LHPP: variants seen among roughly 807,000 people sequenced by gnomAD.
LHPP encodes hLHPP.
LHPP carries 24 observed loss-of-function variants against 30.3 expected under a neutral mutation model. That is an observed-to-expected ratio of 0.79 (90% CI 0.57 to 1.11). The LOEUF (loss-of-function observed/expected upper bound fraction) is 1.11, where lower values mean the gene tolerates loss of function less well. LHPP is among the 50% of genes most tolerant of loss of function. The probability of loss-of-function intolerance (pLI) is 0.00; values close to 1 mark genes in which losing one functional copy is unlikely to be tolerated. For missense variants in LHPP, 356 were observed against 367.2 expected (o/e 0.97, Z 0.25); for synonymous variants, 150 against 157.1 (o/e 0.95, Z 0.34).
intron 1 of LHPP, among the ~76,000 whole-genome samples, chr10:124,472,739 G>A (rs1952822887): frequency 6.6e-6 from 1 of 152,000 alleles, no homozygotes; most frequent in South Asian, 2.1e-4. Flanking sequence ...TGTATTTTTA[G>A]TAGAGACGGA....
chr10:124,503,321 C>T (rs1315060626), intron 5 of LHPP, among the ~76,000 whole-genome samples: 3 of 152,144 alleles, frequency 2.0e-5, no homozygotes, highest in Admixed American at 2.0e-4. Flanking sequence ...CCGCCTCGGC[C>T]TCCCAAAGTG....
intron 1 of LHPP, among the ~76,000 whole-genome samples, chr10:124,476,436 T>G (rs1405111177): frequency 1.3e-5 from 2 of 152,190 alleles, no homozygotes; most frequent in African/African-American, 4.8e-5. Context: ...CCTCGTCTCC[T>G]TCATGGCAGC....
chr10:124,526,151 G>A, intron 6 of LHPP: 1 of 985,070 alleles, frequency 1.0e-6, no homozygotes, highest in Non-Finnish European at 1.2e-6. Flanking sequence ...TCTCCCTAGA[G>A]CCGCTCAACA....
At chr10:124,608,285 C>A (rs1349033085) in intron 6 of LHPP, among the ~76,000 whole-genome samples, 1 of 152,212 alleles carries the variant, frequency 6.6e-6, no homozygotes, top group Non-Finnish European at 1.5e-5. Flanking sequence ...TGCCCCCCAC[C>A]AGCCTGTGTG....
chr10:124,493,669 G>C (rs1483778028), intron 3 of LHPP: 2 of 152,166 alleles, frequency 1.3e-5, no homozygotes, highest in African/African-American at 2.4e-5. Flanking sequence ...GAAGAATAAA[G>C]CATAAAATCG....
Position 124,520,249 on chromosome 10 carries a change from C to A in LHPP, c.716+2978C>A, listed in dbSNP as rs138762200. On this transcript the variant is annotated intron_variant, in intron 6 of 6. Transcript: ENST00000368842. ...TTATTTCATCACTCAGATATTAAACCTAGTACCCATTAGTTATTTTTCCTG... is the reference window on the plus strand; with the variant it reads ...TTATTTCATCACTCAGATATTAAACATAGTACCCATTAGTTATTTTTCCTG... Among the ~76,000 whole-genome samples, 628 of 152,058 alleles carry A rather than the reference C, an allele frequency of 4.1e-3. 3 individuals are homozygous for A. The highest frequency in any genetic ancestry group is 0.014 in the African/African-American group (594 of 41,436).
rs954905077 is a variant in LHPP, at chr10:124,592,937, C to T, written c.717-20327C>T. On this transcript the variant is annotated intron_variant, in intron 6 of 6. Transcript: ENST00000368842. The surrounding 1 kb of genome is among the most constrained non-coding windows in gnomAD (Gnocchi z 6.2). ...CACCGCCCCAGGCAGGCTGGCGTCC[C>T]GGGGGCCAGAATGAATGGACCCTCA... Among the ~76,000 whole-genome samples the T allele has an allele frequency of 2.6e-5, 4 of 152,222 alleles. No homozygotes were observed. The highest frequency in any genetic ancestry group is 2.1e-4 in the South Asian group (1 of 4,834).
chr10:124,598,118 C>T (rs1342902148), intron 6 of LHPP, among the ~76,000 whole-genome samples: 2 of 152,232 alleles, frequency 1.3e-5, no homozygotes, highest in Non-Finnish European at 2.9e-5. Context: ...GGCAGTGGCA[C>T]CTACCTCCCC....
chr10:124,586,039 C>T (rs1948800314), intron 6 of LHPP, among the ~76,000 whole-genome samples: 1 of 152,120 alleles, frequency 6.6e-6, no homozygotes, highest in African/African-American at 2.4e-5. Context: ...CTGCCTTGAC[C>T]TCCCAAAGTG....
rs766857917 is a variant in LHPP, at chr10:124,613,229, G to C, written c.717-35G>C. 5.3e-6 allele frequency: 8 copies of C among 1,501,830 alleles called. No individual in the cohort carries two copies. In the South Asian group the frequency reaches 6.8e-5, roughly 13 times the overall value. The allele number at this position is 1,501,830 out of a possible 1,614,324, so 93.0% of individuals were successfully genotyped here. A position where few individuals can be genotyped will look rare whatever the true frequency, so the allele number is the denominator to read the frequency against. ...GGTGTGGCTGCAGAGGGGTCAGCGT[G>C]GGGGCACTGACTAACCTCCGGCCAT... On this transcript the variant is annotated intron_variant, in intron 6 of 6. Coordinates refer to ENST00000368842, the MANE Select transcript of LHPP (RefSeq NM_022126.4).
intron 6 of LHPP, among the ~76,000 whole-genome samples, chr10:124,553,657 C>T (rs1256089304): frequency 6.6e-6 from 1 of 152,078 alleles, no homozygotes; most frequent in Non-Finnish European, 1.5e-5. Context: ...GACAGGGTTT[C>T]ACCGTGTTAG....
intron 6 of LHPP, among the ~76,000 whole-genome samples, chr10:124,594,643 T>TA (rs1948920759): frequency 6.6e-6 from 1 of 151,362 alleles, no homozygotes; most frequent in Non-Finnish European, 1.5e-5. Context: ...TTTTTTTTTT[T>TA]AATTTGAGAT....
In LHPP at chr10:124,527,772, C is replaced by CT. The variant is rs373948138; in HGVS notation, c.716+10513dup. On this transcript the variant is annotated intron_variant, in intron 6 of 6. Coordinates refer to ENST00000368842, the MANE Select transcript of LHPP (RefSeq NM_022126.4). ...TAACCTTGGACGTGATCTCTTTGTG[C>CT]TTTTTTTTTTTTGTTTTTTTCTTTT... is the stretch of plus-strand genomic sequence containing the variant. 7.5e-3 allele frequency among the ~76,000 whole-genome samples: 783 copies of CT among 104,206 alleles called. 7 individuals are homozygous for CT. The highest frequency in any genetic ancestry group is 0.029 in the African/African-American group (677 of 23,044). The allele number at this position is 104,206 out of a possible 152,430, so 68.4% of individuals were successfully genotyped here. A position where few individuals can be genotyped will look rare whatever the true frequency, so the allele number is the denominator to read the frequency against.
chr10:124,464,344 G>T (rs1017489661), intron 1 of LHPP, among the ~76,000 whole-genome samples: 1 of 152,190 alleles, frequency 6.6e-6, no homozygotes, highest in Non-Finnish European at 1.5e-5. Flanking sequence ...TGAGTCTCTT[G>T]GTCCTTCTTA....
At position 124,484,119 on chromosome 10, in the gene LHPP, CTG is replaced by C. The variant is rs1953237788; in HGVS notation, c.126-16_126-15del. On this transcript the variant is annotated intron_variant, in intron 1 of 6. Coordinates refer to ENST00000368842, the MANE Select transcript of LHPP (RefSeq NM_022126.4). Reference sequence around the variant, plus strand: ...CACTCCACGTGCTGACTTCCCGGGCCTGTGTCTCCCCTGCCGCAGACTGAAGC... The same window carrying C: ...CACTCCACGTGCTGACTTCCCGGGCCTGTCTCCCCTGCCGCAGACTGAAGC... 6.2e-7 allele frequency: 1 copy of C among 1,611,218 alleles called. No homozygotes were observed. Among genetic ancestry groups the C allele is most frequent in the Non-Finnish European group, 8.5e-7 (1 of 1,179,022 alleles).
At chr10:124,597,316 G>T (rs886359026) in intron 6 of LHPP, among the ~76,000 whole-genome samples, 12 of 152,160 alleles carry the variant, frequency 7.9e-5, no homozygotes, top group Admixed American at 5.9e-4. Flanking sequence ...TCCCTCTGGG[G>T]AGCCCTGCCT....
intron 6 of LHPP, among the ~76,000 whole-genome samples, chr10:124,539,115 G>A (rs1955112066): frequency 6.6e-6 from 1 of 152,144 alleles, no homozygotes; most frequent in Admixed American, 6.6e-5. Context: ...GGTGTCCTGA[G>A]GCATACCAGA....
At chr10:124,468,323 T>C (rs768541898) in intron 1 of LHPP, among the ~76,000 whole-genome samples, 9 of 152,302 alleles carry the variant, frequency 5.9e-5, no homozygotes, top group Middle Eastern at 6.8e-3. Context: ...AGCTATACTG[T>C]ATACATCTAA....
rs1021861639 is a variant in LHPP, at chr10:124,510,302, G to A, written c.625-6878G>A. Among the ~76,000 whole-genome samples the A allele has an allele frequency of 1.3e-5, 2 of 152,208 alleles. No individual in the cohort carries two copies. Among genetic ancestry groups the A allele is most frequent in the Admixed American group, 1.3e-4 (2 of 15,278 alleles). ...ATTGCCCTTCACCGATAGTAAATCT[G>A]GGAATCCCCTGGGGTCCTGAGCGCA... On this transcript the variant is annotated intron_variant, in intron 5 of 6. Coordinates refer to ENST00000368842, the MANE Select transcript of LHPP (RefSeq NM_022126.4). This position sits in a 1 kb window ranked among gnomAD's most constrained non-coding sequence, Gnocchi z 4.0.
Sources: gnomAD v4.1 joint callset for allele counts (sites outside exome capture counted in the v4.1 genomes callset) on GRCh38, gnomAD v4.1.1 for gene constraint, Gnocchi (gnomAD v3.1) non-coding constraint, MANE v1.5 for transcripts, NCBI Gene and HGNC (gene_info 2026-07-23, HGNC 2026-07-21) for gene names.